APPL2: variants seen among roughly 807,000 people sequenced by gnomAD.
The protein encoded by APPL2 is DCC-interacting protein 13-beta.
A neutral mutation model predicts 92.7 loss-of-function variants in APPL2; 84 were observed. The ratio of observed to expected loss-of-function variants is 0.91; its 90% CI spans 0.76 to 1.09. The LOEUF is 1.09. Ranked by LOEUF, APPL2 falls within the 50% of genes least tolerant of loss-of-function variation. APPL2 has a pLI of 0.00. For synonymous variants in APPL2, 291 were observed against 291.0 expected (o/e 1.00, Z 0.00); for missense variants, 736 against 824.5 (o/e 0.89, Z 1.31).
At chr12:105,203,010 TACACACACACACAC>T (rs3838812) in intron 9 of APPL2, among the ~76,000 whole-genome samples, 236 of 146,090 alleles carry the variant, frequency 1.6e-3, no homozygotes, top group African/African-American at 3.7e-3. Flanking sequence ...ATTTGTCAAC[TACACACACACACAC>T]ACACACACAC....
chr12:105,186,699 C>CAATATCATAT (rs1555248131), intron 17 of APPL2, among the ~76,000 whole-genome samples: 22 of 134,544 alleles, frequency 1.6e-4, no homozygotes, highest in African/African-American at 6.4e-4. Context: ...TATCATATAT[C>CAATATCATAT]ATATCATATA....
intron 2 of APPL2, 40 bp downstream of exon 2, chr12:105,229,085 T>G (rs1410989438): frequency 3.9e-6 from 6 of 1,533,942 alleles, no homozygotes; most frequent in Non-Finnish European, 4.5e-6. Flanking sequence ...GGGGAGAGAA[T>G]GCCCACTCTG....
intron 9 of APPL2, among the ~76,000 whole-genome samples, chr12:105,200,735 G>C (rs1255062640): frequency 2.0e-5 from 3 of 152,078 alleles, no homozygotes; most frequent in African/African-American, 7.2e-5. Flanking sequence ...AAGCAAACAG[G>C]GGGCCAGTGT....
rs749405358 is a variant in APPL2 at position 105,229,223 on chromosome 12, T to C, written c.55A>G (p.Thr19Ala). The stretch of plus-strand genomic sequence containing the variant: ...TCAAACACGCTCAGTAAAGAGCGAG[T>C]CTGGAAGAAAAGAAGAAAAAAGGTC... ...LEEALQDSPQ[T>A]RSLLSVFEED... Residue 19 changes from threonine (T) to alanine (A), a missense_variant and splice_region_variant, in exon 2 of 21, where the codon ACT (threonine) becomes GCT (alanine). Coordinates refer to ENST00000258530, the MANE Select transcript of APPL2 (RefSeq NM_018171.5). The C allele has an allele frequency of 1.2e-6, 2 of 1,611,540 alleles. No individual in the cohort carries two copies. The highest frequency in any genetic ancestry group is 1.7e-6 in the Non-Finnish European group (2 of 1,178,978).
At chr12:105,191,851 T>C (rs2135946262) in intron 14 of APPL2, among the ~76,000 whole-genome samples, 1 of 152,300 alleles carries the variant, frequency 6.6e-6, no homozygotes, top group Middle Eastern at 3.4e-3. Context: ...GGCAGGCTCC[T>C]TTTCTACCCT....
chr12:105,186,990 T>C (rs997195616), intron 17 of APPL2, among the ~76,000 whole-genome samples: 1 of 152,108 alleles, frequency 6.6e-6, no homozygotes, highest in African/African-American at 2.4e-5. Flanking sequence ...TACATCCATA[T>C]TAGATAGAAT....
At chr12:105,203,427 C>T in intron 9 of APPL2, 1 of 417,860 alleles carries the variant, frequency 2.4e-6, no homozygotes, top group Non-Finnish European at 4.2e-6. Flanking sequence ...AAGAGCTCTT[C>T]TAAAACCACA....
At position 105,229,108 on chromosome 12, in the gene APPL2, G is replaced by T; in HGVS notation, c.153+17C>A. The T allele has an allele frequency of 6.2e-7, 1 of 1,603,940 alleles. No homozygotes were observed. The highest frequency in any genetic ancestry group is 8.5e-7 in the Non-Finnish European group (1 of 1,173,636). On this transcript the variant is annotated intron_variant, in intron 2 of 20. Coordinates refer to ENST00000258530, the MANE Select transcript of APPL2 (RefSeq NM_018171.5). The stretch of plus-strand genomic sequence containing the variant: ...AATGCCCACTCTGCGGTATCCAGGT[G>T]AGGGGTGGCAGCATACCTGGGCTCC...
intron 2 of APPL2, among the ~76,000 whole-genome samples, chr12:105,220,107 C>G (rs1415821127): frequency 1.3e-5 from 2 of 152,204 alleles, no homozygotes; most frequent in African/African-American, 4.8e-5. Flanking sequence ...GGATACACGG[C>G]TGATGAGTGG....
intron 9 of APPL2, among the ~76,000 whole-genome samples, chr12:105,200,231 G>A (rs191013418): frequency 3.9e-4 from 60 of 152,298 alleles, no homozygotes; most frequent in Non-Finnish European, 7.1e-4. Context: ...CCATCCTCCA[G>A]GGCTGCTCAC....
intron 9 of APPL2, among the ~76,000 whole-genome samples, chr12:105,201,613 T>C (rs544345550): frequency 7.3e-4 from 105 of 144,386 alleles, no homozygotes; most frequent in African/African-American, 2.4e-3. Flanking sequence ...GCTCAAACAC[T>C]GGGAGCTCAT....
At chr12:105,178,286 C>G (rs1196863) in intron 17 of APPL2, among the ~76,000 whole-genome samples, 82,847 of 151,938 alleles carry the variant, frequency 0.55, 24,425 homozygotes, top group Middle Eastern at 0.7. Context: ...TAGGTGAAAG[C>G]AAAAATATAG....
chr12:105,233,019 A>G (rs1226038308), intron 1 of APPL2: 2 of 887,160 alleles, frequency 2.3e-6, no homozygotes, highest in Non-Finnish European at 2.7e-6. Flanking sequence ...TCGCAAAAGA[A>G]ACAAACAAAA....
chr12:105,211,334 G>A lies in APPL2; in HGVS notation c.286-17C>T, dbSNP rs367861411. The A allele has an allele frequency of 5.2e-6, 8 of 1,547,368 alleles. No homozygotes were observed. Among genetic ancestry groups the A allele is most frequent in the Non-Finnish European group, 5.4e-6 (6 of 1,120,152 alleles). ...AAGATTAAGCTGAAAGAAAGAGAAT[G>A]GTATTCAAGTAAATTAAATACATTA... On this transcript the variant is annotated splice_polypyrimidine_tract_variant and intron_variant, in intron 4 of 20. Transcript: ENST00000258530.
chr12:105,185,803 G>A (rs56862143), intron 17 of APPL2, among the ~76,000 whole-genome samples: 19,908 of 151,966 alleles, frequency 0.13, 1,503 homozygotes, highest in African/African-American at 0.22. Context: ...CTGTGGTGAC[G>A]TATGCATAAC....
At chr12:105,215,244 T>C (rs547408134) in intron 4 of APPL2, among the ~76,000 whole-genome samples, 1 of 152,230 alleles carries the variant, frequency 6.6e-6, no homozygotes, top group East Asian at 1.9e-4. Flanking sequence ...TCTGGCGGGA[T>C]CATGCCCTTA....
chr12:105,187,758 G>A (rs1450554693), intron 17 of APPL2, among the ~76,000 whole-genome samples: 1 of 152,010 alleles, frequency 6.6e-6, no homozygotes, highest in Non-Finnish European at 1.5e-5. Context: ...CTCAGTTCAG[G>A]CTAGTTTTGC....
intron 14 of APPL2, among the ~76,000 whole-genome samples, chr12:105,192,443 T>A (rs2440698): frequency 1 from 150,518 of 150,518 alleles, 75,259 homozygotes; most frequent in Non-Finnish European, 1. Context: ...TGCTTCCTTC[T>A]TGATCGACCC....
At chr12:105,223,876 T>C (rs1365475376) in intron 2 of APPL2, among the ~76,000 whole-genome samples, 2 of 152,118 alleles carry the variant, frequency 1.3e-5, no homozygotes, top group African/African-American at 4.8e-5. Flanking sequence ...AAGAACCCTC[T>C]GAGGTGGGTA....
Sources: gnomAD v4.1 joint callset for allele counts (sites outside exome capture counted in the v4.1 genomes callset) on GRCh38, gnomAD v4.1.1 for gene constraint, MANE v1.5 for transcripts, NCBI Gene and HGNC (gene_info 2026-07-23, HGNC 2026-07-21) for gene names.